Variants in CDC42 observed in about 807,000 individuals in gnomAD.
The protein encoded by CDC42 is cell division control protein 42 homolog.
Under a neutral mutation model 20.8 loss-of-function variants are expected in CDC42, and 1 was observed. The observed-to-expected ratio is 0.05, with a 90% CI of 0.02 to 0.23. The LOEUF (loss-of-function observed/expected upper bound fraction) is 0.23. Among genes scored for constraint, CDC42 ranks in the 10% least tolerant of loss-of-function variants. The pLI is 1.00. For synonymous variants in CDC42, 72 were observed against 84.8 expected (o/e 0.85, Z 0.83); for missense variants, 49 against 227.9 (o/e 0.21, Z 5.05).
chr1:22,054,071 A>G (rs1466387843), intron 1 of CDC42, among the ~76,000 whole-genome samples: 1 of 152,160 alleles, frequency 6.6e-6, no homozygotes, highest in Non-Finnish European at 1.5e-5. Flanking sequence ...TTTTGTGGTG[A>G]AGTTGTGTTG....
intron 1 of CDC42, among the ~76,000 whole-genome samples, chr1:22,076,303 C>CA (rs1172161699): frequency 6.6e-6 from 1 of 152,044 alleles, no homozygotes; most frequent in Non-Finnish European, 1.5e-5. Context: ...CTATTAAATA[C>CA]AAACATTATC....
rs1645757922 is a variant in CDC42 at position 22,096,263 on chromosome 1, C to T, written c.*4746C>T. On this transcript the variant is annotated 3_prime_UTR_variant, in exon 6 of 6. Transcript: ENST00000656825. ...CATGAGTCACTGCGCCCGGCCTATT[C>T]ATTCATTCTTACAGTGAATTAGTAA... Among the ~76,000 whole-genome samples the T allele has an allele frequency of 6.6e-6, 1 of 150,756 alleles. No homozygotes were observed. Among genetic ancestry groups the T allele is most frequent in the South Asian group, 2.1e-4 (1 of 4,738 alleles).
At chr1:22,073,319 C>T (rs1023275764) in intron 1 of CDC42, among the ~76,000 whole-genome samples, 1 of 151,636 alleles carries the variant, frequency 6.6e-6, no homozygotes, top group South Asian at 2.1e-4. Flanking sequence ...GGTGGATCAC[C>T]TGAGGTCAGG....
chr1:22,099,369 C>A lies in CDC42; in HGVS notation c.*7852C>A, dbSNP rs16826595. Among the ~76,000 whole-genome samples the A allele has an allele frequency of 0.023, 3,528 of 152,290 alleles. 127 individuals are homozygous for A. Among genetic ancestry groups the A allele is most frequent in the East Asian group, 0.12 (614 of 5,176 alleles). On this transcript the variant is annotated 3_prime_UTR_variant, in exon 6 of 6. Transcript: ENST00000656825. ...ATGGTGTTATCACACTTGCTACTCA[C>A]AACAGCTCTGAGGTTGATAGTACAG...
intron 1 of CDC42, among the ~76,000 whole-genome samples, chr1:22,055,967 A>C (rs1298578741): frequency 6.7e-6 from 1 of 148,686 alleles, no homozygotes; most frequent in Admixed American, 6.8e-5. Context: ...GTGTTAACAT[A>C]TCTTCCATGA....
At chr1:22,089,806 C>T (rs533570626) in intron 5 of CDC42, 2 of 816,282 alleles carry the variant, frequency 2.5e-6, no homozygotes, top group South Asian at 2.3e-5. Flanking sequence ...GGCTTAAGAT[C>T]TAGCATTCTA....
At chr1:22,063,883 C>A (rs1645392458) in intron 1 of CDC42, 1 of 151,998 alleles carries the variant, frequency 6.6e-6, no homozygotes, top group African/African-American at 2.4e-5. Context: ...ACCACACCGG[C>A]TACTTTTTGT....
chr1:22,097,533 C>T lies in CDC42; in HGVS notation c.*6016C>T, dbSNP rs961947916. Among the ~76,000 whole-genome samples the T allele has an allele frequency of 6.6e-5, 10 of 152,250 alleles. No homozygotes were observed. Among genetic ancestry groups the T allele is most frequent in the Admixed American group, 3.3e-4 (5 of 15,286 alleles). On this transcript the variant is annotated 3_prime_UTR_variant, in exon 6 of 6. Transcript: ENST00000656825. ...CTGGGATTATAGGCGTGAGCCACTG[C>T]GCCCGGCCTGAAATGTGTATTCTTA... is the stretch of plus-strand genomic sequence containing the variant.
At chr1:22,063,084 A>G (rs1028428194) in intron 1 of CDC42, among the ~76,000 whole-genome samples, 3 of 152,150 alleles carry the variant, frequency 2.0e-5, no homozygotes, top group African/African-American at 7.2e-5. Context: ...TAGAGTCTAT[A>G]TGACTTGGAC....
At position 22,097,520 on chromosome 1, in the gene CDC42, G is replaced by C. The variant is rs1645765734; in HGVS notation, c.*6003G>C. Among the ~76,000 whole-genome samples, 1 of 152,242 alleles carries C rather than the reference G, an allele frequency of 6.6e-6. No homozygotes were observed. Among genetic ancestry groups the C allele is most frequent in the African/African-American group, 2.4e-5 (1 of 41,458 alleles). ...GCCTCCCTAAGTGCTGGGATTATAGGCGTGAGCCACTGCGCCCGGCCTGAA... is the reference window on the plus strand; with the variant it reads ...GCCTCCCTAAGTGCTGGGATTATAGCCGTGAGCCACTGCGCCCGGCCTGAA... On this transcript the variant is annotated 3_prime_UTR_variant, in exon 6 of 6. Transcript: ENST00000656825.
At position 22,096,502 on chromosome 1, in the gene CDC42, C is replaced by G. The variant is rs1645759502; in HGVS notation, c.*4985C>G. 1.3e-5 allele frequency among the ~76,000 whole-genome samples: 2 copies of G among 152,286 alleles called. No homozygotes were observed. Among genetic ancestry groups the G allele is most frequent in the Non-Finnish European group, 1.5e-5 (1 of 68,016 alleles). On this transcript the variant is annotated 3_prime_UTR_variant, in exon 6 of 6. Transcript: ENST00000656825. Reference sequence around the variant, plus strand: ...TGTGCATGCATATTCATGACACATTCATTTGTCATTATTTATCAAAAACCT... The same window carrying G: ...TGTGCATGCATATTCATGACACATTGATTTGTCATTATTTATCAAAAACCT...
At position 22,093,403 on chromosome 1, in the gene CDC42, T is replaced by A. The variant is rs1031883407; in HGVS notation, c.*1886T>A. On this transcript the variant is annotated 3_prime_UTR_variant, in exon 6 of 6. Transcript: ENST00000656825. Reference sequence around the variant, plus strand: ...TTGGGAATCACCACACCTAGTTGGTTATCTCAAACTACTACTATCAGAATA... The same window carrying A: ...TTGGGAATCACCACACCTAGTTGGTAATCTCAAACTACTACTATCAGAATA... Among the ~76,000 whole-genome samples the A allele has an allele frequency of 1.6e-4, 25 of 152,216 alleles. No homozygotes were observed. The highest frequency in any genetic ancestry group is 6.0e-4 in the African/African-American group (25 of 41,456).
chr1:22,081,803 T>A lies in CDC42; in HGVS notation c.178+9T>A. 6.5e-7 allele frequency: 1 copy of A among 1,538,538 alleles called. No individual in the cohort carries two copies. The highest frequency in any genetic ancestry group is 9.0e-7 in the Non-Finnish European group (1 of 1,112,404). On this transcript the variant is annotated intron_variant, in intron 3 of 5. Transcript: ENST00000656825. ...ACTTTTTGATACTGCAGGTGAAAAC[T>A]TAATGTCTTTTATACTGTTTTGATC... is the stretch of plus-strand genomic sequence containing the variant.
At chr1:22,067,546 A>G (rs1033088511) in intron 1 of CDC42, among the ~76,000 whole-genome samples, 2 of 152,074 alleles carry the variant, frequency 1.3e-5, no homozygotes, top group South Asian at 2.1e-4. Context: ...GGTTTCACCA[A>G]GTTGGCCAGG....
intron 1 of CDC42, among the ~76,000 whole-genome samples, chr1:22,062,234 C>G (rs1408059823): frequency 6.6e-6 from 1 of 152,124 alleles, no homozygotes. Context: ...CCATGCCTGG[C>G]TGTTTGACCC....
rs1276731401 is a variant in CDC42, at chr1:22,101,290, G to GT, written c.*9776dup. 6.6e-6 allele frequency: 1 copy of GT among 152,210 alleles called. No homozygotes were observed. The highest frequency in any genetic ancestry group is 1.5e-5 in the Non-Finnish European group (1 of 68,032). The allele number at this position is 152,210 out of a possible 1,614,324, so 9.4% of individuals were successfully genotyped here. ...TCCAGGTTCTAGTTGAGGCACCAGA[G>GT]TTTCCTTGGGCAAGTTGCCATACCT... On this transcript the variant is annotated 3_prime_UTR_variant, in exon 6 of 6. Coordinates refer to ENST00000656825, the MANE Select transcript of CDC42 (RefSeq NM_001791.4).
At chr1:22,082,183 G>A (rs1645614488) in intron 3 of CDC42, among the ~76,000 whole-genome samples, 1 of 150,282 alleles carries the variant, frequency 6.7e-6, no homozygotes, top group African/African-American at 2.4e-5. Context: ...ACCCCTACCT[G>A]CTCCTTTTTA....
intron 5 of CDC42, chr1:22,090,440 A>G: frequency 2.0e-6 from 2 of 996,024 alleles, no homozygotes; most frequent in Non-Finnish European, 2.4e-6. Context: ...TTGTAATTGC[A>G]TGACAAACCT....
intron 1 of CDC42, among the ~76,000 whole-genome samples, chr1:22,054,891 GTATATATATATATATATATA>G (rs1157685736): frequency 4.2e-5 from 3 of 71,884 alleles, no homozygotes; most frequent in East Asian, 4.2e-4. Context: ...TTGAATTTAT[GTATATATATATATATATATA>G]TATATATATA....
Sources: allele counts gnomAD v4.1 joint callset (sites outside exome capture counted in the v4.1 genomes callset), GRCh38; gene constraint gnomAD v4.1.1; transcripts MANE v1.5; gene names NCBI Gene and HGNC (gene_info 2026-07-23, HGNC 2026-07-21).